The following MAML3 variants were observed in gnomAD, a reference collection of about 807,000 sequenced individuals.
MAML3 encodes the protein mastermind like transcriptional coactivator 3.
In MAML3, 27 loss-of-function variants were observed where a neutral mutation model predicts 101.9. That is an observed-to-expected ratio of 0.27 (90% confidence interval 0.20 to 0.37). The LOEUF (loss-of-function observed/expected upper bound fraction) is 0.37. Ranked by LOEUF, MAML3 falls within the 10% of genes least tolerant of loss-of-function variation. The pLI is 1.00. For synonymous variants in MAML3, 501 were observed against 555.9 expected (o/e 0.90, Z 1.39); for missense variants, 1,316 against 1,444.9 (o/e 0.91, Z 1.45).
At chr4:140,078,092 A>C (rs1488453376) in intron 1 of MAML3, among the ~76,000 whole-genome samples, 1 of 152,158 alleles carries the variant, frequency 6.6e-6, no homozygotes, top group Non-Finnish European at 1.5e-5. Flanking sequence ...TCTGGAAATG[A>C]ATCAGTCGCA....
Position 139,889,379 on chromosome 4 carries a change from G to A in MAML3, c.2057C>T (p.Ala686Val). The change falls in exon 2 of 5, where the codon GCT becomes GTT. Residue 686 changes from alanine (A) to valine (V), a missense_variant. By Grantham distance (64) the Ala-to-Val change is moderately conservative. Coordinates refer to ENST00000509479, the MANE Select transcript of MAML3 (RefSeq NM_018717.5). ...KGVMNQPMAY[A>V]ALPSHGQEQH... ...TACCTGACCGTGGGATGGAAGTGCA[G>A]CGTAAGCCATGGGCTGATTCATCAC... 6.2e-7 allele frequency: 1 copy of A among 1,614,068 alleles called. No homozygotes were observed. Among genetic ancestry groups the A allele is most frequent in the Non-Finnish European group, 8.5e-7 (1 of 1,179,904 alleles).
Position 139,718,897 on chromosome 4 carries a change from CTCTG to C in MAML3, c.*422_*425del, listed in dbSNP as rs1387198217. ...GGGGACTCACTCTCCCTGGCTGAGG[CTCTG>C]TCTCTTTTGTGTCTCCAAAGCTGCT... is the stretch of plus-strand genomic sequence containing the variant. On this transcript the variant is annotated 3_prime_UTR_variant, in exon 5 of 5. Coordinates refer to ENST00000509479, the MANE Select transcript of MAML3 (RefSeq NM_018717.5). 5.8e-6 allele frequency: 1 copy of C among 171,512 alleles called. No individual in the cohort carries two copies. The highest frequency in any genetic ancestry group is 2.4e-5 in the African/African-American group (1 of 41,894). The allele number at this position is 171,512 out of a possible 1,614,324, so 10.6% of individuals were successfully genotyped here. A position where few individuals can be genotyped will look rare whatever the true frequency, so the allele number is the denominator to read the frequency against.
At chr4:139,958,891 T>A (rs925013314) in intron 1 of MAML3, among the ~76,000 whole-genome samples, 1 of 152,254 alleles carries the variant, frequency 6.6e-6, no homozygotes, top group Non-Finnish European at 1.5e-5. Flanking sequence ...GCTTGCATTG[T>A]TATTCTTGCA....
intron 2 of MAML3, among the ~76,000 whole-genome samples, chr4:139,827,077 T>C (rs1332028542): frequency 6.6e-6 from 1 of 151,558 alleles, no homozygotes; most frequent in African/African-American, 2.4e-5. Context: ...TAATACAGAG[T>C]CTGATGTGCA....
chr4:139,812,988 A>AG lies in MAML3; in HGVS notation c.2079+76368dup, dbSNP rs1553958243. 1.1e-3 allele frequency among the ~76,000 whole-genome samples: 159 copies of AG among 143,072 alleles called. 1 individual carries two copies. Among genetic ancestry groups the AG allele is most frequent in the South Asian group, 6.7e-3 (32 of 4,776 alleles). 93.9% of individuals were successfully genotyped at this position (143,072 alleles called of 152,430 possible). On this transcript the variant is annotated intron_variant, in intron 2 of 4. Transcript: ENST00000509479. ...TCAGAAATGTAAAAAAAAAAAAAAA[A>AG]GGGGAGAACCTATGAGTTAAGAATA...
chr4:139,732,445 C>CCAAAA (rs1344227329), intron 2 of MAML3, among the ~76,000 whole-genome samples: 1 of 152,120 alleles, frequency 6.6e-6, no homozygotes, highest in East Asian at 1.9e-4. Context: ...CAAACAAAAG[C>CCAAAA]CAAACCAAAC....
chr4:139,904,043 T>G lies in MAML3; in HGVS notation c.469-13076A>C, dbSNP rs72931682. Among the ~76,000 whole-genome samples the G allele has an allele frequency of 7.3e-3, 1,115 of 152,294 alleles. 8 individuals carry two copies. The highest frequency in any genetic ancestry group is 0.025 in the African/African-American group (1,054 of 41,558). On this transcript the variant is annotated intron_variant, in intron 1 of 4. Coordinates refer to ENST00000509479, the MANE Select transcript of MAML3 (RefSeq NM_018717.5). ...TCATGGGGGTGATGTCATCATGACTTCATCACTTCCCTAAAGGCCCCATCC... is the reference window on the plus strand; with the variant it reads ...TCATGGGGGTGATGTCATCATGACTGCATCACTTCCCTAAAGGCCCCATCC...
At chr4:140,036,996 T>A (rs943673373) in intron 1 of MAML3, among the ~76,000 whole-genome samples, 1 of 152,110 alleles carries the variant, frequency 6.6e-6, no homozygotes, top group African/African-American at 2.4e-5. Context: ...TATATCAGAC[T>A]GATATTGTCA....
At chr4:139,878,123 C>A (rs2111184116) in intron 2 of MAML3, among the ~76,000 whole-genome samples, 1 of 152,322 alleles carries the variant, frequency 6.6e-6, no homozygotes, top group East Asian at 1.9e-4. Flanking sequence ...GCACCGGAAC[C>A]CTTCCCTCCA....
intron 1 of MAML3, among the ~76,000 whole-genome samples, chr4:140,037,462 T>C (rs571409230): frequency 3.3e-5 from 5 of 152,216 alleles, no homozygotes; most frequent in South Asian, 4.1e-4. Context: ...ACCTGAATAT[T>C]ATTTCCTTTA....
chr4:139,984,487 T>TTAGGCATCCAC (rs755273314), intron 1 of MAML3, among the ~76,000 whole-genome samples: 9 of 152,182 alleles, frequency 5.9e-5, no homozygotes, highest in Non-Finnish European at 1.0e-4. Context: ...TCAGACATGA[T>TTAGGCATCCAC]TAGGCATCCA....
intron 1 of MAML3, among the ~76,000 whole-genome samples, chr4:139,989,081 C>T (rs1734610885): frequency 1.3e-5 from 2 of 152,136 alleles, no homozygotes. Context: ...AGAACTGCCC[C>T]TTCTCGACGA....
rs559174054 is a variant in MAML3, at chr4:139,922,901, T to C, written c.469-31934A>G. ...TTGGCCAGCAGTAGTGCCTATCTAA[T>C]GGGTGTAAGGATAGAGCTGTTCCTT... On this transcript the variant is annotated intron_variant, in intron 1 of 4. Coordinates refer to ENST00000509479, the MANE Select transcript of MAML3 (RefSeq NM_018717.5). Among the ~76,000 whole-genome samples, 181 of 152,262 alleles carry C rather than the reference T, an allele frequency of 1.2e-3. 1 individual carries two copies. The highest frequency in any genetic ancestry group is 2.4e-3 in the Non-Finnish European group (160 of 68,024).
chr4:140,093,148 A>G (rs1728091419), intron 1 of MAML3, among the ~76,000 whole-genome samples: 1 of 152,150 alleles, frequency 6.6e-6, no homozygotes, highest in African/African-American at 2.4e-5. Context: ...GAACATATGA[A>G]TTTTCTTAGG....
chr4:139,729,859 G>C (rs1728630668), intron 3 of MAML3, among the ~76,000 whole-genome samples: 1 of 152,176 alleles, frequency 6.6e-6, no homozygotes, highest in Non-Finnish European at 1.5e-5. Context: ...TAAAAGCTGT[G>C]GGGAGTTTTC....
rs1426159152 is a variant in MAML3 at position 139,920,756 on chromosome 4, T to G, written c.469-29789A>C. On this transcript the variant is annotated intron_variant, in intron 1 of 4. Coordinates refer to ENST00000509479, the MANE Select transcript of MAML3 (RefSeq NM_018717.5). ...ATTTCTACAGAGCATGGCTCCAACT[T>G]TTCCTCCCAGGAGGCCCCAGTCCCG... 2.6e-5 allele frequency among the ~76,000 whole-genome samples: 4 copies of G among 152,124 alleles called. No individual in the cohort carries two copies. In the East Asian group the frequency reaches 7.7e-4, roughly 29 times the overall value.
chr4:139,993,782 C>A (rs558772649), intron 1 of MAML3, among the ~76,000 whole-genome samples: 1 of 152,044 alleles, frequency 6.6e-6, no homozygotes, highest in Non-Finnish European at 1.5e-5. Flanking sequence ...GAGCTGAGAT[C>A]GTGCCACTGC....
intron 1 of MAML3, among the ~76,000 whole-genome samples, chr4:140,039,900 C>A (rs1488239397): frequency 6.6e-6 from 1 of 152,170 alleles, no homozygotes; most frequent in Non-Finnish European, 1.5e-5. Context: ...GAAATGGAAA[C>A]ACGCAGGAAG....
At position 139,889,887 on chromosome 4, in the gene MAML3, T is replaced by A. The variant is rs1732428481; in HGVS notation, c.1549A>T (p.Asn517Tyr). Residue 517 changes from asparagine to tyrosine, a missense_variant, in exon 2 of 5, where the codon AAT becomes TAT. Asn to Tyr is a moderately radical substitution (Grantham distance 143, BLOSUM62 -2). Transcript: ENST00000509479. ...GAGGGAGGTCCTAAGGGAGACCAAT[T>A]TGAAGTCTGATTTGAGTGCTGTTGC... is the stretch of plus-strand genomic sequence containing the variant. ...QQQQHSNQTS[N>Y]WSPLGPPSSP... 1 of 1,612,434 alleles carries A rather than the reference T, an allele frequency of 6.2e-7. No individual in the cohort carries two copies. The highest frequency in any genetic ancestry group is 1.3e-5 in the African/African-American group (1 of 74,434).
Sources: gnomAD v4.1 joint callset for allele counts (sites outside exome capture counted in the v4.1 genomes callset) on GRCh38, gnomAD v4.1.1 for gene constraint, MANE v1.5 for transcripts, NCBI Gene and HGNC (gene_info 2026-07-23, HGNC 2026-07-21) for gene names.